GLRX3: variants seen among roughly 807,000 people sequenced by gnomAD.
GLRX3 encodes the protein glutaredoxin 3.
In GLRX3, 22 loss-of-function variants were observed where a neutral mutation model predicts 49.5. That is an observed-to-expected ratio of 0.44 (90% CI 0.32 to 0.63). GLRX3 has a LOEUF of 0.63. Among genes scored for constraint, GLRX3 ranks in the 30% least tolerant of loss-of-function variants. The pLI, the probability that GLRX3 is intolerant of heterozygous loss-of-function variation, is 0.05. For missense variants in GLRX3, 385 were observed against 396.3 expected (o/e 0.97, Z 0.24); for synonymous variants, 133 against 140.0 (o/e 0.95, Z 0.35).
intron 7 of GLRX3, 61 bp downstream of exon 7, chr10:130,169,551 GGGA>G (rs1862763704): frequency 9.6e-7 from 1 of 1,046,528 alleles, no homozygotes; most frequent in African/African-American, 1.6e-5. Context: ...CTGCAACAAG[GGGA>G]CAGTTAAATC....
chr10:130,147,773 G>A (rs1387609353), intron 2 of GLRX3, among the ~76,000 whole-genome samples: 1 of 152,146 alleles, frequency 6.6e-6, no homozygotes, highest in Non-Finnish European at 1.5e-5. Flanking sequence ...TGGGCGCCTC[G>A]GCTCACACCT....
At chr10:130,168,717 G>A (rs1862744603) in intron 6 of GLRX3, among the ~76,000 whole-genome samples, 1 of 152,160 alleles carries the variant, frequency 6.6e-6, no homozygotes, top group African/African-American at 2.4e-5. Flanking sequence ...AAAGTGCTGG[G>A]ATTACAGGCG....
intron 2 of GLRX3, among the ~76,000 whole-genome samples, chr10:130,151,642 A>G (rs546568689): frequency 3.3e-5 from 5 of 151,424 alleles, no homozygotes; most frequent in Admixed American, 3.3e-4. Flanking sequence ...TGTCCTTGTG[A>G]TTGTTTGCTG....
At chr10:130,166,402 G>A (rs1399819287) in intron 4 of GLRX3, 105 bp from the exon 5 acceptor site, 9 of 715,246 alleles carry the variant, frequency 1.3e-5, no homozygotes, top group South Asian at 1.2e-4. Flanking sequence ...AATAAGGCAG[G>A]CGTCTATGTC....
chr10:130,169,291 A>G (rs1184220554), intron 6 of GLRX3, 142 bp from the exon 7 acceptor site: 3 of 616,168 alleles, frequency 4.9e-6, no homozygotes, highest in African/African-American at 1.9e-5. Flanking sequence ...GAAAATGTCA[A>G]CGCATTTGCT....
intron 7 of GLRX3, among the ~76,000 whole-genome samples, chr10:130,170,159 C>T (rs1862777010): frequency 6.6e-6 from 1 of 152,178 alleles, no homozygotes. Flanking sequence ...TTGTAATTTT[C>T]ATAGCAATTG....
chr10:130,157,322 C>T (rs1445523013), intron 2 of GLRX3, among the ~76,000 whole-genome samples: 8 of 114,484 alleles, frequency 7.0e-5, no homozygotes, highest in African/African-American at 1.0e-4. Flanking sequence ...ATGGATATCT[C>T]GGCTCCAGGA....
chr10:130,150,373 CT>C (rs1214395280), intron 2 of GLRX3, among the ~76,000 whole-genome samples: 4 of 152,146 alleles, frequency 2.6e-5, no homozygotes, highest in African/African-American at 9.7e-5. Flanking sequence ...CCATAGTATA[CT>C]CATTTTACCA....
intron 1 of GLRX3, among the ~76,000 whole-genome samples, chr10:130,136,887 C>T (rs908090173): frequency 2.0e-5 from 3 of 152,006 alleles, no homozygotes; most frequent in Non-Finnish European, 4.4e-5. Context: ...GGGCGGGGGA[C>T]GGGGCGGCGC....
At position 130,166,609 on chromosome 10, in the gene GLRX3, A is replaced by G. The variant is rs745326160; in HGVS notation, c.581A>G (p.Tyr194Cys). The part of the protein sequence containing the change: ...DEEVRQGLKA[Y>C]SSWPTYPQLY... The stretch of plus-strand genomic sequence containing the variant: ...GAGGTTCGACAGGGACTCAAAGCCT[A>G]TTCCAGTTGGCCTACCTATCCTCAG... The change falls in exon 5 of 11, where the codon TAT becomes TGT. Residue 194 changes from tyrosine to cysteine, a missense_variant. Transcript: ENST00000331244. 3.1e-6 allele frequency: 5 copies of G among 1,610,408 alleles called. No individual in the cohort carries two copies. Among genetic ancestry groups the G allele is most frequent in the South Asian group, 1.1e-5 (1 of 91,036 alleles).
At chr10:130,158,246 T>C (rs939468163) in intron 2 of GLRX3, among the ~76,000 whole-genome samples, 1 of 151,798 alleles carries the variant, frequency 6.6e-6, no homozygotes, top group African/African-American at 2.4e-5. Flanking sequence ...GGAGTTTTGC[T>C]TAGTCGCCCA....
At chr10:130,178,425 AT>A (rs1034243890) in intron 10 of GLRX3, among the ~76,000 whole-genome samples, 2 of 147,288 alleles carry the variant, frequency 1.4e-5, no homozygotes, top group African/African-American at 2.5e-5. Flanking sequence ...CACCTGGCTA[AT>A]TTTTTTTTTA....
chr10:130,149,605 A>C (rs1010008623), intron 2 of GLRX3, among the ~76,000 whole-genome samples: 26 of 152,212 alleles, frequency 1.7e-4, no homozygotes, highest in Non-Finnish European at 2.9e-4. Flanking sequence ...ATAGGAGTAC[A>C]CCTTTGTCAT....
chr10:130,157,875 ATATT>A (rs933853633), intron 2 of GLRX3, among the ~76,000 whole-genome samples: 14 of 152,112 alleles, frequency 9.2e-5, no homozygotes, highest in Non-Finnish European at 1.8e-4. Flanking sequence ...AAATATTTAT[ATATT>A]TATTTTCTAT....
At chr10:130,152,264 C>T (rs1862392193) in intron 2 of GLRX3, among the ~76,000 whole-genome samples, 1 of 152,160 alleles carries the variant, frequency 6.6e-6, no homozygotes, top group East Asian at 1.9e-4. Context: ...AATGATCCAC[C>T]TGCCTCAACC....
At chr10:130,155,109 T>G (rs1270592821) in intron 2 of GLRX3, among the ~76,000 whole-genome samples, 1 of 152,088 alleles carries the variant, frequency 6.6e-6, no homozygotes, top group Non-Finnish European at 1.5e-5. Flanking sequence ...AGTGCTGGGA[T>G]TACAGGTGTG....
intron 2 of GLRX3, among the ~76,000 whole-genome samples, chr10:130,146,805 C>T (rs1403246754): frequency 6.6e-6 from 1 of 152,170 alleles, no homozygotes; most frequent in Non-Finnish European, 1.5e-5. Flanking sequence ...GTCTGTATGC[C>T]TCTTTCTATG....
chr10:130,179,511 T>C lies in GLRX3; in HGVS notation c.*119T>C. 1 of 679,544 alleles carries C rather than the reference T, an allele frequency of 1.5e-6. No individual in the cohort carries two copies. The highest frequency in any genetic ancestry group is 1.8e-5 in the South Asian group (1 of 57,062). The allele number at this position is 679,544 out of a possible 1,614,324, so 42.1% of individuals were successfully genotyped here. ...GAAAATTCCTGCTTTCTCAGTTACATGTTTTGTGTATTTCACAATGTCGTG... is the reference window on the plus strand; with the variant it reads ...GAAAATTCCTGCTTTCTCAGTTACACGTTTTGTGTATTTCACAATGTCGTG... On this transcript the variant is annotated 3_prime_UTR_variant, in exon 11 of 11. Transcript: ENST00000331244.
intron 2 of GLRX3, among the ~76,000 whole-genome samples, chr10:130,148,370 G>A (rs1156544306): frequency 6.8e-6 from 1 of 147,038 alleles, no homozygotes. Context: ...GGCTCAAGCA[G>A]TCTGCCTACC....
Sources: allele counts gnomAD v4.1 joint callset (sites outside exome capture counted in the v4.1 genomes callset), GRCh38; gene constraint gnomAD v4.1.1; transcripts MANE v1.5; gene names NCBI Gene and HGNC (gene_info 2026-07-23, HGNC 2026-07-21).